Variants in DPY19L1 observed in about 807,000 individuals in gnomAD.
The protein encoded by DPY19L1 is protein C-mannosyl-transferase DPY19L1.
In DPY19L1, 35 loss-of-function variants were observed where a neutral mutation model predicts 96.9. That is an observed-to-expected ratio of 0.36 (90% confidence interval 0.28 to 0.48). The LOEUF is 0.48. Among genes scored for constraint, DPY19L1 ranks in the 20% least tolerant of loss-of-function variants. The pLI, the probability that DPY19L1 is intolerant of heterozygous loss-of-function variation, is 0.99. For missense variants in DPY19L1, 521 were observed against 777.9 expected (o/e 0.67, Z 3.93); for synonymous variants, 205 against 252.6 (o/e 0.81, Z 1.79).
intron 6 of DPY19L1, among the ~76,000 whole-genome samples, chr7:34,997,947 AATG>A (rs1412936070): frequency 3.9e-5 from 6 of 152,186 alleles, no homozygotes; most frequent in African/African-American, 7.2e-5. Flanking sequence ...TAACTGTGTT[AATG>A]ATGACTATTC....
At chr7:34,979,380 A>G (rs1008612516) in intron 7 of DPY19L1, among the ~76,000 whole-genome samples, 1 of 152,148 alleles carries the variant, frequency 6.6e-6, no homozygotes, top group African/African-American at 2.4e-5. Context: ...TAGGCAATAT[A>G]AATAGAAACA....
Position 34,941,753 on chromosome 7 carries a change from A to C in DPY19L1, c.1689+12T>G. ...ATTATCATAGTAGCTATACTCCAACATAACATGTTACCTGTCTTGAGCAGA... is the reference window on the plus strand; with the variant it reads ...ATTATCATAGTAGCTATACTCCAACCTAACATGTTACCTGTCTTGAGCAGA... On this transcript the variant is annotated intron_variant, in intron 18 of 21. Transcript: ENST00000638088. The C allele has an allele frequency of 8.1e-6, 13 of 1,597,884 alleles. No individual in the cohort carries two copies. The highest frequency in any genetic ancestry group is 1.0e-5 in the Non-Finnish European group (12 of 1,176,146).
At chr7:34,995,187 G>A (rs1354069468) in intron 6 of DPY19L1, among the ~76,000 whole-genome samples, 1 of 151,982 alleles carries the variant, frequency 6.6e-6, no homozygotes, top group African/African-American at 2.4e-5. Context: ...CCACCCTCTC[G>A]CCCCAATCCA....
intron 19 of DPY19L1, 91 bp downstream of exon 19, chr7:34,940,062 T>C: frequency 2.6e-6 from 3 of 1,154,702 alleles, no homozygotes; most frequent in South Asian, 2.0e-5. Flanking sequence ...TCAGTGGAAG[T>C]AACTAGGGTT....
At chr7:35,021,426 A>G (rs1160597450) in intron 1 of DPY19L1, among the ~76,000 whole-genome samples, 2 of 152,182 alleles carry the variant, frequency 1.3e-5, no homozygotes, top group African/African-American at 2.4e-5. Flanking sequence ...ACACTCTTTC[A>G]CAGTCTCCAG....
intron 13 of DPY19L1, among the ~76,000 whole-genome samples, chr7:34,952,544 G>A (rs548296143): frequency 6.6e-6 from 1 of 152,240 alleles, no homozygotes; most frequent in South Asian, 2.1e-4. Context: ...TTTAGGAGAT[G>A]ACATTACCCT....
chr7:34,941,562 T>A (rs1036396405), intron 18 of DPY19L1, among the ~76,000 whole-genome samples: 1 of 152,208 alleles, frequency 6.6e-6, no homozygotes, highest in Non-Finnish European at 1.5e-5. Context: ...TCGGTATTAG[T>A]TGTACACCAA....
At chr7:34,992,513 T>TAA (rs1276630845) in intron 6 of DPY19L1, among the ~76,000 whole-genome samples, 1 of 151,444 alleles carries the variant, frequency 6.6e-6, no homozygotes, top group East Asian at 1.9e-4. Flanking sequence ...ACTAGAGAAT[T>TAA]AAACAATGTC....
At chr7:34,970,138 C>A (rs1219434761) in intron 8 of DPY19L1, among the ~76,000 whole-genome samples, 1 of 152,134 alleles carries the variant, frequency 6.6e-6, no homozygotes, top group Admixed American at 6.5e-5. Flanking sequence ...ATCCTCTAAA[C>A]CTGTGAGCCA....
At chr7:34,993,026 T>G (rs1367070806) in intron 6 of DPY19L1, among the ~76,000 whole-genome samples, 1 of 152,250 alleles carries the variant, frequency 6.6e-6, no homozygotes, top group East Asian at 1.9e-4. Context: ...TCACACTTTG[T>G]GCTTGAATAA....
intron 10 of DPY19L1, among the ~76,000 whole-genome samples, chr7:34,959,927 A>ATATATATATATATATATATATATT (rs1784466146): frequency 3.6e-5 from 1 of 27,406 alleles, no homozygotes; most frequent in Non-Finnish European, 6.9e-5. Context: ...ATATATATTT[A>ATATATATATATATATATATATATT]TATATATATA....
chr7:34,976,027 A>G (rs1406073847), intron 7 of DPY19L1, among the ~76,000 whole-genome samples: 2 of 152,194 alleles, frequency 1.3e-5, no homozygotes, highest in Admixed American at 1.3e-4. Flanking sequence ...CAGAGCATCT[A>G]TTCTGCAGCC....
At chr7:34,973,032 C>T (rs1420308223) in intron 8 of DPY19L1, among the ~76,000 whole-genome samples, 2 of 151,986 alleles carry the variant, frequency 1.3e-5, no homozygotes, top group African/African-American at 4.8e-5. Context: ...TGCTTTGTTC[C>T]ATTTTTCCAT....
chr7:35,013,240 A>G (rs1785757275), intron 4 of DPY19L1, among the ~76,000 whole-genome samples: 1 of 152,192 alleles, frequency 6.6e-6, no homozygotes. Context: ...AAGTGCACTC[A>G]ATTAAATGAG....
chr7:35,003,727 T>C (rs1293168470), intron 6 of DPY19L1, among the ~76,000 whole-genome samples: 1 of 152,174 alleles, frequency 6.6e-6, no homozygotes, highest in East Asian at 1.9e-4. Context: ...GTTGAAAACC[T>C]ATATGGGATT....
chr7:34,948,322 A>G (rs958270428), intron 14 of DPY19L1, among the ~76,000 whole-genome samples: 4 of 152,146 alleles, frequency 2.6e-5, no homozygotes, highest in African/African-American at 9.7e-5. Context: ...TAATAAGACT[A>G]TATCATTTTG....
At chr7:34,936,719 A>T (rs538860567) in intron 21 of DPY19L1, among the ~76,000 whole-genome samples, 1 of 152,376 alleles carries the variant, frequency 6.6e-6, no homozygotes, top group Non-Finnish European at 1.5e-5. Flanking sequence ...ATTTTCTATA[A>T]ATCCTGACTG....
intron 6 of DPY19L1, among the ~76,000 whole-genome samples, chr7:34,993,332 A>T (rs1785212536): frequency 6.6e-6 from 1 of 152,156 alleles, no homozygotes; most frequent in African/African-American, 2.4e-5. Flanking sequence ...TATTAAAATC[A>T]TTTATCAAGT....
At chr7:34,945,000 T>C (rs1784111367) in intron 16 of DPY19L1, among the ~76,000 whole-genome samples, 4 of 152,210 alleles carry the variant, frequency 2.6e-5, no homozygotes, top group Admixed American at 2.0e-4. Flanking sequence ...TGTTCATTAG[T>C]CATATGTAAA....
Sources: allele counts gnomAD v4.1 joint callset (sites outside exome capture counted in the v4.1 genomes callset), GRCh38; gene constraint gnomAD v4.1.1; transcripts MANE v1.5; gene names NCBI Gene and HGNC (gene_info 2026-07-23, HGNC 2026-07-21).